The following HK1 variants were observed in gnomAD, a reference collection of about 807,000 sequenced individuals.
The protein encoded by HK1 is hexokinase-1.
Under a neutral mutation model 91.6 loss-of-function variants are expected in HK1, and 28 were observed. The observed-to-expected ratio is 0.31, with a 90% CI of 0.23 to 0.42. The LOEUF (loss-of-function observed/expected upper bound fraction) is 0.42, where lower values mean the gene tolerates loss of function less well. Ranked by LOEUF, HK1 falls within the 10% of genes least tolerant of loss-of-function variation. The probability of loss-of-function intolerance (pLI) is 1.00; values close to 1 mark genes in which losing one functional copy is unlikely to be tolerated. For synonymous variants in HK1, 430 were observed against 468.1 expected, an observed-to-expected ratio of 0.92 and a Z score of 1.05; for missense variants, 770 against 1,219.8, an observed-to-expected ratio of 0.63 and a Z score of 5.49.
chr10:69,365,718 G>A lies in HK1; in HGVS notation c.495+816G>A, dbSNP rs185876612. On this transcript the variant is annotated intron_variant, in intron 4 of 17. Coordinates refer to ENST00000359426, the MANE Select transcript of HK1 (RefSeq NM_000188.3). ...TCTGTACAAAAAGTTAGCTGTGTGC[G>A]TTAACATGTGCCTGTAGTCCCAGTG... Among the ~76,000 whole-genome samples, 8 of 152,306 alleles carry A rather than the reference G, an allele frequency of 5.3e-5. No individual in the cohort carries two copies. The East Asian group carries it at 1.2e-3, about 22-fold the overall frequency.
At chr10:69,373,084 G>C (rs1445457444) in intron 7 of HK1, among the ~76,000 whole-genome samples, 2 of 152,138 alleles carry the variant, frequency 1.3e-5, no homozygotes, top group Admixed American at 6.6e-5. Flanking sequence ...AGCCAGGCTG[G>C]TCTCGAACTC....
intron 3 of HK1, among the ~76,000 whole-genome samples, chr10:69,294,661 G>A (rs1044208031): frequency 4.0e-5 from 6 of 151,800 alleles, no homozygotes; most frequent in African/African-American, 1.5e-4. Context: ...TTCAAGACCA[G>A]CTGGGCCAAC....
chr10:69,329,838 T>C (rs1481057078), intron 1 of HK1, among the ~76,000 whole-genome samples: 1 of 151,944 alleles, frequency 6.6e-6, no homozygotes, highest in African/African-American at 2.4e-5. Flanking sequence ...GTCTCCTGCC[T>C]GTGCCTGCTG....
At chr10:69,332,798 A>T (rs1471008921) in intron 1 of HK1, among the ~76,000 whole-genome samples, 2 of 152,118 alleles carry the variant, frequency 1.3e-5, no homozygotes, top group African/African-American at 4.8e-5. Flanking sequence ...TACAAATGCC[A>T]GGTGTTATCA....
At chr10:69,326,990 T>C (rs913003426) in intron 1 of HK1, among the ~76,000 whole-genome samples, 1 of 150,900 alleles carries the variant, frequency 6.6e-6, no homozygotes, top group Non-Finnish European at 1.5e-5. Context: ...TTGCTTTGTG[T>C]GGTTTTAAAC....
chr10:69,300,768 G>A lies in HK1; in HGVS notation c.-66-1G>A, dbSNP rs57118523. The stretch of plus-strand genomic sequence containing the variant: ...AACCTGGTGTTTGTCTCTCTTTTCA[G>A]CATTGTTGATGCTCTTGAGAGCATC... On this transcript the variant is annotated splice_acceptor_variant, in intron 4 of 21. Transcript: ENST00000360289. LOFTEE classifies it low-confidence loss of function (5UTR_SPLICE). 3.9e-3 allele frequency: 6,066 copies of A among 1,563,392 alleles called. 351 individuals carry two copies. In the African/African-American group the frequency reaches 0.077, roughly 20 times the overall value.
At chr10:69,317,991 T>A, upstream of HK1, 1 of 938,392 alleles carries the variant, frequency 1.1e-6, no homozygotes. Context: ...CGCTGAACCG[T>A]GCCCCAAGTC....
chr10:69,364,986 C>G lies in HK1; in HGVS notation c.495+84C>G, dbSNP rs1849627829. On this transcript the variant is annotated intron_variant, in intron 4 of 17. Transcript: ENST00000359426. The stretch of plus-strand genomic sequence containing the variant: ...AGCCCTTTTCTCCACAACTTTTCCC[C>G]TTTGTTGGCAGAATGGTTTGCATGT... 2.7e-6 allele frequency: 4 copies of G among 1,506,782 alleles called. No individual in the cohort carries two copies. The East Asian group carries it at 9.0e-5, about 34-fold the overall frequency. The allele number at this position is 1,506,782 out of a possible 1,614,324, so 93.3% of individuals were successfully genotyped here. A position where few individuals can be genotyped will look rare whatever the true frequency, so the allele number is the denominator to read the frequency against.
chr10:69,314,178 G>C (rs1846523579), upstream of HK1, among the ~76,000 whole-genome samples: 1 of 152,214 alleles, frequency 6.6e-6, no homozygotes, highest in Non-Finnish European at 1.5e-5. Flanking sequence ...CTGCTAAAAG[G>C]ATTATGGGTC....
chr10:69,364,686 A>T, intron 3 of HK1, 97 bp from the exon 4 acceptor site: 2 of 1,461,062 alleles, frequency 1.4e-6, no homozygotes, highest in Non-Finnish European at 1.9e-6. Flanking sequence ...GGGTAGATGT[A>T]TTCCTTTCTG....
At chr10:69,331,908 G>C (rs1309085618) in intron 1 of HK1, among the ~76,000 whole-genome samples, 1 of 151,864 alleles carries the variant, frequency 6.6e-6, no homozygotes, top group Non-Finnish European at 1.5e-5. Context: ...TTCTGATATT[G>C]ATTAGACATA....
chr10:69,368,858 C>A (rs958136168), intron 5 of HK1, among the ~76,000 whole-genome samples: 2 of 152,168 alleles, frequency 1.3e-5, no homozygotes, highest in African/African-American at 4.8e-5. Flanking sequence ...CAGGGGGTCA[C>A]CTCCTGACAG....
rs1846831874 is a variant in HK1 at position 69,318,911 on chromosome 10, TCC to T, written c.-34_-33del. The T allele has an allele frequency of 6.4e-7, 1 of 1,560,030 alleles. No homozygotes were observed. Among genetic ancestry groups the T allele is most frequent in the Non-Finnish European group, 8.7e-7 (1 of 1,154,826 alleles). On this transcript the variant is annotated 5_prime_UTR_variant, in exon 1 of 18. Transcript: ENST00000359426. ...CGCCAGGGCTGCGGAGGACCGACCG[TCC>T]CCACGCCTGCCGCCCCGCGACCCCG...
chr10:69,296,096 T>C lies in HK1; in HGVS notation c.-67+416T>C, dbSNP rs185662792. On this transcript the variant is annotated intron_variant, in intron 4 of 21. Coordinates refer to the HK1 transcript ENST00000360289. ...GGCACCCATCTGCTCTGCACTTCAA[T>C]ATGGACAAGTTTCAGATCTTTCCTG... is the stretch of plus-strand genomic sequence containing the variant. 2.5e-3 allele frequency: 552 copies of C among 222,078 alleles called. 4 individuals are homozygous for C. The highest frequency in any genetic ancestry group is 4.3e-3 in the Non-Finnish European group (474 of 110,954). 13.8% of individuals were successfully genotyped at this position (222,078 alleles called of 1,614,324 possible). A position where few individuals can be genotyped will look rare whatever the true frequency, so the allele number is the denominator to read the frequency against.
At chr10:69,300,181 A>C (rs1845788309) in intron 4 of HK1, among the ~76,000 whole-genome samples, 1 of 151,364 alleles carries the variant, frequency 6.6e-6, no homozygotes, top group Admixed American at 6.6e-5. Context: ...CACCCCCCAA[A>C]ATCCCTTCAC....
chr10:69,378,569 A>G (rs1042562288), intron 8 of HK1, among the ~76,000 whole-genome samples: 1 of 152,206 alleles, frequency 6.6e-6, no homozygotes, highest in Non-Finnish European at 1.5e-5. Context: ...CTACAGACAA[A>G]TGAATAGAAT....
chr10:69,318,836 GGGA>G (rs559346976), upstream of HK1: 4,800 of 1,446,824 alleles, frequency 3.3e-3, 106 homozygotes, highest in African/African-American at 0.056. Context: ...GAGGAGCCGG[GGGA>G]GGAGGAGGAG....
At chr10:69,396,871 G>A (rs1231031475) in intron 16 of HK1, among the ~76,000 whole-genome samples, 6 of 152,100 alleles carry the variant, frequency 3.9e-5, no homozygotes, top group Non-Finnish European at 7.4e-5. Context: ...TTTTAGTAGA[G>A]ATGGGGTTTC....
intron 4 of HK1, among the ~76,000 whole-genome samples, chr10:69,297,500 C>T (rs1010804605): frequency 6.6e-6 from 1 of 152,150 alleles, no homozygotes; most frequent in Non-Finnish European, 1.5e-5. Context: ...GGTGGCCTTG[C>T]AGGTACCCAG....
Sources: allele counts gnomAD v4.1 joint callset (sites outside exome capture counted in the v4.1 genomes callset), GRCh38; gene constraint gnomAD v4.1.1; transcripts MANE v1.5; gene names NCBI Gene and HGNC (gene_info 2026-07-23, HGNC 2026-07-21).